Variants in DOK5 observed in about 807,000 individuals in gnomAD.
DOK5 encodes docking protein 5.
In DOK5, 27 loss-of-function variants were observed where a neutral mutation model predicts 43.3. The observed-to-expected ratio is 0.62, with a 90% CI of 0.46 to 0.86. The LOEUF (loss-of-function observed/expected upper bound fraction) is 0.86. Ranked by LOEUF, DOK5 falls within the 40% of genes least tolerant of loss-of-function variation. DOK5 has a pLI of 0.00. For missense variants in DOK5, 373 were observed against 392.9 expected (o/e 0.95, Z 0.43); for synonymous variants, 146 against 140.1 (o/e 1.04, Z -0.30).
At chr20:54,544,467 T>C (rs1164070401) in intron 1 of DOK5, among the ~76,000 whole-genome samples, 2 of 152,192 alleles carry the variant, frequency 1.3e-5, no homozygotes, top group African/African-American at 4.8e-5. Flanking sequence ...AATTCTGACT[T>C]TCTTGGCCTC....
chr20:54,583,180 G>A (rs11906031), intron 2 of DOK5, among the ~76,000 whole-genome samples: 13,734 of 151,178 alleles, frequency 0.091, 1,851 homozygotes, highest in African/African-American at 0.3. Context: ...TTTTTTTTCA[G>A]TTTTCCTTCT....
chr20:54,479,104 A>T (rs1981558243), intron 1 of DOK5, among the ~76,000 whole-genome samples: 1 of 152,180 alleles, frequency 6.6e-6, no homozygotes, highest in Non-Finnish European at 1.5e-5. Flanking sequence ...AGGACAGGAA[A>T]CATTCTAAAA....
chr20:54,481,009 C>CATCTATCATCT (rs1981668780), intron 1 of DOK5, among the ~76,000 whole-genome samples: 1 of 132,722 alleles, frequency 7.5e-6, no homozygotes, highest in Admixed American at 7.4e-5. Flanking sequence ...TATCATCTAT[C>CATCTATCATCT]ATCTATCTAT....
intron 2 of DOK5, among the ~76,000 whole-genome samples, chr20:54,561,373 C>T (rs565846490): frequency 6.6e-6 from 1 of 152,310 alleles, no homozygotes; most frequent in Admixed American, 6.5e-5. Context: ...GAGATATGTT[C>T]CTGCAACTGA....
At chr20:54,549,917 C>G (rs929123257) in intron 1 of DOK5, among the ~76,000 whole-genome samples, 23 of 152,086 alleles carry the variant, frequency 1.5e-4, no homozygotes, top group African/African-American at 5.1e-4. Context: ...TTTGAAGAAG[C>G]AGAGTGACGT....
intron 5 of DOK5, among the ~76,000 whole-genome samples, chr20:54,605,547 A>G (rs968329804): frequency 7.2e-5 from 11 of 152,182 alleles, no homozygotes; most frequent in African/African-American, 2.2e-4. Context: ...TTAAAGCTTT[A>G]TATGTGCAGT....
At chr20:54,582,708 C>T (rs997183318) in intron 2 of DOK5, among the ~76,000 whole-genome samples, 1 of 151,560 alleles carries the variant, frequency 6.6e-6, no homozygotes, top group African/African-American at 2.4e-5. Context: ...TCTCATAATC[C>T]TTTTCATTTC....
intron 7 of DOK5, 53 bp downstream of exon 7, chr20:54,643,631 G>C (rs994351225): frequency 5.7e-6 from 9 of 1,573,602 alleles, no homozygotes; most frequent in East Asian, 4.6e-5. Flanking sequence ...GGGAGTACTG[G>C]GGAGGGGGCT....
intron 1 of DOK5, among the ~76,000 whole-genome samples, chr20:54,480,172 C>A (rs1323078860): frequency 3.3e-5 from 5 of 152,184 alleles, no homozygotes; most frequent in Non-Finnish European, 7.3e-5. Flanking sequence ...TGAACCAGAG[C>A]AACTCCATCT....
At chr20:54,486,092 G>A (rs1012449680) in intron 1 of DOK5, among the ~76,000 whole-genome samples, 1 of 152,078 alleles carries the variant, frequency 6.6e-6, no homozygotes, top group African/African-American at 2.4e-5. Context: ...TCCTGAAGAT[G>A]TTTCAATTTT....
intron 2 of DOK5, among the ~76,000 whole-genome samples, chr20:54,566,975 A>G (rs6023364): frequency 0.1 from 15,557 of 151,928 alleles, 1,035 homozygotes; most frequent in African/African-American, 0.19. Flanking sequence ...ATGCTTCTGT[A>G]TATCTTCTAT....
intron 7 of DOK5, among the ~76,000 whole-genome samples, chr20:54,646,875 C>A (rs1979455521): frequency 1.4e-5 from 2 of 144,078 alleles, no homozygotes; most frequent in Non-Finnish European, 3.0e-5. Flanking sequence ...AATTCACCTA[C>A]ATTGATGAAT....
chr20:54,588,921 A>G lies in DOK5; in HGVS notation c.409+115A>G, dbSNP rs888983705. 55 of 1,107,708 alleles carry G rather than the reference A, an allele frequency of 5.0e-5. 1 individual carries two copies. The African/African-American group carries it at 8.3e-4, about 17-fold the overall frequency. The allele number at this position is 1,107,708 out of a possible 1,614,324, so 68.6% of individuals were successfully genotyped here. On this transcript the variant is annotated intron_variant, in intron 4 of 7. Transcript: ENST00000262593. ...TTGGGGTATAAAAATGTATAAAGAAATAAGTAATCTTTTATCTAATCCACA... is the reference window on the plus strand; with the variant it reads ...TTGGGGTATAAAAATGTATAAAGAAGTAAGTAATCTTTTATCTAATCCACA...
At chr20:54,508,048 A>T (rs976899878) in intron 1 of DOK5, among the ~76,000 whole-genome samples, 1 of 152,190 alleles carries the variant, frequency 6.6e-6, no homozygotes, top group Non-Finnish European at 1.5e-5. Flanking sequence ...GTCTAGCTTT[A>T]GAAGCTCGAA....
intron 5 of DOK5, among the ~76,000 whole-genome samples, chr20:54,594,758 T>G (rs1986085494): frequency 6.6e-6 from 1 of 152,196 alleles, no homozygotes; most frequent in South Asian, 2.1e-4. Context: ...GATCAAAACC[T>G]TAGTAAACTT....
At chr20:54,521,229 C>G (rs1314177712) in intron 1 of DOK5, among the ~76,000 whole-genome samples, 1 of 152,020 alleles carries the variant, frequency 6.6e-6, no homozygotes, top group Non-Finnish European at 1.5e-5. Flanking sequence ...TTGCTGTTCT[C>G]TTTTTCCATA....
At chr20:54,603,419 A>G (rs936834366) in intron 5 of DOK5, among the ~76,000 whole-genome samples, 31 of 152,248 alleles carry the variant, frequency 2.0e-4, no homozygotes, top group African/African-American at 7.5e-4. Context: ...AAGATAGTCA[A>G]CCACAGAATG....
intron 6 of DOK5, among the ~76,000 whole-genome samples, chr20:54,621,137 TG>T (rs1170629121): frequency 6.6e-6 from 1 of 152,200 alleles, no homozygotes; most frequent in African/African-American, 2.4e-5. Flanking sequence ...CTATTATAAG[TG>T]CAGAAAATTA....
At chr20:54,591,404 A>C (rs1985969507) in intron 4 of DOK5, among the ~76,000 whole-genome samples, 1 of 152,240 alleles carries the variant, frequency 6.6e-6, no homozygotes, top group Non-Finnish European at 1.5e-5. Context: ...GTATGTTGAC[A>C]GGCTGTATCA....
Sources: allele counts gnomAD v4.1 joint callset (sites outside exome capture counted in the v4.1 genomes callset), GRCh38; gene constraint gnomAD v4.1.1; transcripts MANE v1.5; gene names NCBI Gene and HGNC (gene_info 2026-07-23, HGNC 2026-07-21).